SSBP2: variants seen among roughly 807,000 people sequenced by gnomAD.
SSBP2 encodes single-stranded DNA-binding protein 2.
In SSBP2, 17 loss-of-function variants were observed where a neutral mutation model predicts 61.8. The observed-to-expected ratio is 0.28, with a 90% CI of 0.19 to 0.41. SSBP2 has a LOEUF of 0.41. SSBP2 is among the 10% of genes least tolerant of loss of function. The pLI is 1.00. For missense variants in SSBP2, 310 were observed against 458.7 expected (o/e 0.68, Z 2.96); for synonymous variants, 139 against 141.3 (o/e 0.98, Z 0.12).
At chr5:81,473,890 A>G (rs1765417909) in intron 7 of SSBP2, 120 bp from the exon 8 acceptor site, 3 of 875,678 alleles carry the variant, frequency 3.4e-6, no homozygotes, top group Admixed American at 2.0e-5. Flanking sequence ...TACTGACACC[A>G]TCTTACCTTG....
At chr5:81,521,408 C>G (rs1225891758) in intron 4 of SSBP2, among the ~76,000 whole-genome samples, 1 of 151,950 alleles carries the variant, frequency 6.6e-6, no homozygotes, top group Non-Finnish European at 1.5e-5. Flanking sequence ...AATAACATAA[C>G]TTCACTATGC....
chr5:81,689,309 A>G (rs1308050256), intron 1 of SSBP2, among the ~76,000 whole-genome samples: 1 of 152,176 alleles, frequency 6.6e-6, no homozygotes. Flanking sequence ...GACTATTCAA[A>G]GGAATAATAA....
At chr5:81,714,423 G>A (rs1581405331) in intron 1 of SSBP2, among the ~76,000 whole-genome samples, 1 of 152,306 alleles carries the variant, frequency 6.6e-6, no homozygotes, top group Admixed American at 6.5e-5. Flanking sequence ...TAAATATCCA[G>A]TAATGAGACT....
In SSBP2 at chr5:81,601,987, A is replaced by G. The variant is rs1744410547; in HGVS notation, c.282+13486T>C. 2.6e-5 allele frequency among the ~76,000 whole-genome samples: 4 copies of G among 152,296 alleles called. 1 individual carries two copies. In the South Asian group the frequency reaches 6.2e-4, roughly 24 times the overall value. On this transcript the variant is annotated intron_variant, in intron 4 of 16. Coordinates refer to ENST00000320672, the MANE Select transcript of SSBP2 (RefSeq NM_012446.5). ...CTAGGAGGAGATAGGAAGCATGTCA[A>G]TGTTACTAGTTTATAATAATTCTGA... is the stretch of plus-strand genomic sequence containing the variant.
Position 81,485,738 on chromosome 5 carries a change from TG to T in SSBP2, c.432+3511del, listed in dbSNP as rs527359084. On this transcript the variant is annotated intron_variant, in intron 6 of 16. Coordinates refer to ENST00000320672, the MANE Select transcript of SSBP2 (RefSeq NM_012446.5). ...GTTGCCCAGGCTGATCTCAAACTCC[TG>T]GGCTCAGGCGATTCTCCTGCTTCAG... Among the ~76,000 whole-genome samples the T allele has an allele frequency of 2.6e-5, 4 of 152,290 alleles. No homozygotes were observed. The South Asian group carries it at 8.3e-4, about 32-fold the overall frequency.
chr5:81,641,417 C>T (rs920269261), intron 2 of SSBP2, among the ~76,000 whole-genome samples: 2 of 152,100 alleles, frequency 1.3e-5, no homozygotes, highest in Admixed American at 1.3e-4. Context: ...AGTATTCATC[C>T]TTCTCTCCTT....
chr5:81,472,822 A>G (rs1765337339), intron 8 of SSBP2, among the ~76,000 whole-genome samples: 1 of 152,088 alleles, frequency 6.6e-6, no homozygotes, highest in Admixed American at 6.6e-5. Flanking sequence ...GCTGGTCTCA[A>G]ACTCCTGACC....
intron 1 of SSBP2, among the ~76,000 whole-genome samples, chr5:81,674,042 C>T (rs1751782285): frequency 6.6e-6 from 1 of 152,056 alleles, no homozygotes; most frequent in Non-Finnish European, 1.5e-5. Context: ...TTATTTAATC[C>T]TATCATTACT....
Position 81,415,098 on chromosome 5 carries a change from G to A in SSBP2, c.*5406C>T, listed in dbSNP as rs143936064. Reference sequence around the variant, plus strand: ...GGTACCATTGCTTTAAACAAACACAGCCTCTGGCTCCTCATAGCAAACAAT... The same window carrying A: ...GGTACCATTGCTTTAAACAAACACAACCTCTGGCTCCTCATAGCAAACAAT... On this transcript the variant is annotated 3_prime_UTR_variant, in exon 17 of 17. Coordinates refer to ENST00000320672, the MANE Select transcript of SSBP2 (RefSeq NM_012446.5). The A allele has an allele frequency of 2.6e-5, 4 of 152,304 alleles. No homozygotes were observed. The East Asian group carries it at 7.7e-4, about 29-fold the overall frequency. The allele number at this position is 152,304 out of a possible 1,614,324, so 9.4% of individuals were successfully genotyped here.
At chr5:81,658,542 C>G (rs954910851) in intron 1 of SSBP2, among the ~76,000 whole-genome samples, 3 of 152,124 alleles carry the variant, frequency 2.0e-5, no homozygotes, top group Non-Finnish European at 4.4e-5. Flanking sequence ...TACAGTTATA[C>G]TTTTTTATGT....
At chr5:81,702,783 T>C (rs555574985) in intron 1 of SSBP2, among the ~76,000 whole-genome samples, 77 of 152,242 alleles carry the variant, frequency 5.1e-4, no homozygotes, top group Admixed American at 4.3e-3. Flanking sequence ...CTTTCCACTA[T>C]GTCCCCCTGA....
intron 4 of SSBP2, among the ~76,000 whole-genome samples, chr5:81,534,136 C>A (rs941677024): frequency 2.0e-5 from 3 of 152,040 alleles, no homozygotes; most frequent in African/African-American, 7.2e-5. Context: ...AGTGTGAGGT[C>A]AACAGAGAAG....
At chr5:81,654,654 A>G (rs1338497042) in intron 1 of SSBP2, among the ~76,000 whole-genome samples, 1 of 152,210 alleles carries the variant, frequency 6.6e-6, no homozygotes, top group Non-Finnish European at 1.5e-5. Context: ...AGCTCCCGAC[A>G]AAAGGACACT....
chr5:81,590,809 T>C (rs1451630821), intron 4 of SSBP2, among the ~76,000 whole-genome samples: 3 of 152,130 alleles, frequency 2.0e-5, no homozygotes, highest in African/African-American at 2.4e-5. Context: ...AAAGGTAATA[T>C]AGGTTAAGAT....
At chr5:81,667,336 C>T (rs1276305967) in intron 1 of SSBP2, among the ~76,000 whole-genome samples, 1 of 149,958 alleles carries the variant, frequency 6.7e-6, no homozygotes, top group Non-Finnish European at 1.5e-5. Context: ...CACACACGCT[C>T]CAACAATCCA....
intron 4 of SSBP2, among the ~76,000 whole-genome samples, chr5:81,556,483 G>A (rs571341357): frequency 1.3e-5 from 2 of 152,190 alleles, no homozygotes; most frequent in Non-Finnish European, 2.9e-5. Context: ...ATCCATGAAA[G>A]AGAAATTGAT....
chr5:81,676,766 T>C (rs140052101), intron 1 of SSBP2, among the ~76,000 whole-genome samples: 286 of 152,260 alleles, frequency 1.9e-3, no homozygotes, highest in African/African-American at 5.9e-3. Flanking sequence ...TGACTGAGTA[T>C]AGTAGCTAGT....
At chr5:81,564,413 C>G (rs543797989) in intron 4 of SSBP2, among the ~76,000 whole-genome samples, 5 of 152,292 alleles carry the variant, frequency 3.3e-5, no homozygotes, top group African/African-American at 1.2e-4. Context: ...TCACAGTTTT[C>G]CAGTTTCAGT....
At chr5:81,733,012 G>A (rs1429003182) in intron 1 of SSBP2, among the ~76,000 whole-genome samples, 1 of 152,182 alleles carries the variant, frequency 6.6e-6, no homozygotes, top group Non-Finnish European at 1.5e-5. Context: ...AGAGGTCTTA[G>A]AAAGTAATTC....
Sources: gnomAD v4.1 joint callset for allele counts (sites outside exome capture counted in the v4.1 genomes callset) on GRCh38, gnomAD v4.1.1 for gene constraint, MANE v1.5 for transcripts, NCBI Gene and HGNC (gene_info 2026-07-23, HGNC 2026-07-21) for gene names.